The following BCAS3 variants were observed in gnomAD, a reference collection of about 807,000 sequenced individuals.
BCAS3 encodes the protein BCAS4/BCAS3 fusion.
In BCAS3, 53 loss-of-function variants were observed where a neutral mutation model predicts 116.1. The observed-to-expected ratio is 0.46, with a 90% confidence interval of 0.37 to 0.57. The LOEUF (loss-of-function observed/expected upper bound fraction) is 0.57. Among genes scored for constraint, BCAS3 ranks in the 20% least tolerant of loss-of-function variants. The pLI, the probability that BCAS3 is intolerant of heterozygous loss-of-function variation, is 0.00. For missense variants in BCAS3, 917 were observed against 1,165.4 expected (o/e 0.79, Z 3.10); for synonymous variants, 391 against 408.2 (o/e 0.96, Z 0.51).
Position 61,049,691 on chromosome 17 carries a change from C to T in BCAS3, c.2029+8799C>T, listed in dbSNP as rs147777739. On this transcript the variant is annotated intron_variant, in intron 19 of 23. Transcript: ENST00000407086. ...AAAAGACATGTTACACACCAAGGAGCAAAGATAAGCAGATTTTTCTTTTCT... is the reference window on the plus strand; with the variant it reads ...AAAAGACATGTTACACACCAAGGAGTAAAGATAAGCAGATTTTTCTTTTCT... Among the ~76,000 whole-genome samples, 310 of 149,246 alleles carry T rather than the reference C, an allele frequency of 2.1e-3. 3 individuals are homozygous for T. The highest frequency in any genetic ancestry group is 6.8e-3 in the African/African-American group (277 of 40,712).
intron 12 of BCAS3, among the ~76,000 whole-genome samples, chr17:60,911,164 C>T (rs1377498256): frequency 2.6e-5 from 3 of 117,396 alleles, no homozygotes; most frequent in African/African-American, 1.0e-4. Flanking sequence ...ACTCTGTTGC[C>T]CAGGTTGGAG....
chr17:61,248,387 C>A lies in BCAS3; in HGVS notation c.2426-119940C>A, dbSNP rs970265144. 6.6e-6 allele frequency among the ~76,000 whole-genome samples: 1 copy of A among 152,162 alleles called. No individual in the cohort carries two copies. Among genetic ancestry groups the A allele is most frequent in the Non-Finnish European group, 1.5e-5 (1 of 68,026 alleles). On this transcript the variant is annotated intron_variant, in intron 22 of 23. Transcript: ENST00000407086. This position sits in a 1 kb window ranked among gnomAD's most constrained non-coding sequence, Gnocchi z 4.3. ...CTTTAAAAAATTCCAAAAAGAAAAT[C>A]TAAAGGACCATTCCTATGATTATTG...
At chr17:60,908,048 G>T (rs2058282750) in intron 11 of BCAS3, among the ~76,000 whole-genome samples, 1 of 152,122 alleles carries the variant, frequency 6.6e-6, no homozygotes, top group Non-Finnish European at 1.5e-5. Flanking sequence ...AATGGGTTAT[G>T]ATAAATAGTA....
chr17:60,688,539 C>A (rs2034389767), intron 3 of BCAS3, among the ~76,000 whole-genome samples: 1 of 152,046 alleles, frequency 6.6e-6, no homozygotes, highest in African/African-American at 2.4e-5. Flanking sequence ...TTAGGCAGGG[C>A]ATGGTGGCTC....
chr17:61,236,060 G>A (rs535989899), intron 22 of BCAS3, among the ~76,000 whole-genome samples: 5 of 152,274 alleles, frequency 3.3e-5, no homozygotes, highest in South Asian at 4.1e-4. Context: ...CTGGATCTTC[G>A]TTTGTCAGGC....
intron 3 of BCAS3, among the ~76,000 whole-genome samples, chr17:60,685,427 G>A (rs189739635): frequency 7.9e-4 from 111 of 140,948 alleles, no homozygotes; most frequent in African/African-American, 2.6e-3. Flanking sequence ...TCCAGCCTGG[G>A]CAATAAGAGT....
intron 22 of BCAS3, among the ~76,000 whole-genome samples, chr17:61,154,142 T>C (rs2077696420): frequency 2.0e-5 from 3 of 152,196 alleles, no homozygotes; most frequent in Non-Finnish European, 4.4e-5. Flanking sequence ...TTCCTTCAGT[T>C]TGTTTTCTTT....
chr17:61,170,957 G>A (rs1183814653), intron 22 of BCAS3, among the ~76,000 whole-genome samples: 5 of 152,182 alleles, frequency 3.3e-5, no homozygotes, highest in Admixed American at 6.5e-5. Context: ...GGGAACATTC[G>A]CTGGAGCTTA....
chr17:60,716,423 T>C (rs1568087096), intron 5 of BCAS3, among the ~76,000 whole-genome samples: 1 of 152,176 alleles, frequency 6.6e-6, no homozygotes, highest in Non-Finnish European at 1.5e-5. Flanking sequence ...GATGAAAGCA[T>C]TCTTTTCTCC....
chr17:60,708,110 G>A (rs2037401479), intron 4 of BCAS3, among the ~76,000 whole-genome samples: 1 of 152,010 alleles, frequency 6.6e-6, no homozygotes, highest in Non-Finnish European at 1.5e-5. Flanking sequence ...GATTGCTTGA[G>A]CTCAGGAGTT....
chr17:61,055,944 T>C (rs940130377), intron 19 of BCAS3, among the ~76,000 whole-genome samples: 4 of 152,126 alleles, frequency 2.6e-5, no homozygotes, highest in African/African-American at 7.2e-5. Flanking sequence ...CTTTCAAAAG[T>C]GTTTGCCAAA....
chr17:60,725,140 A>G (rs1417716929), intron 5 of BCAS3, among the ~76,000 whole-genome samples: 2 of 152,230 alleles, frequency 1.3e-5, no homozygotes, highest in Non-Finnish European at 2.9e-5. Flanking sequence ...TATTTTTAGA[A>G]TAGTGATACT....
chr17:61,274,096 C>T (rs1011348455), intron 22 of BCAS3, among the ~76,000 whole-genome samples: 29 of 151,128 alleles, frequency 1.9e-4, no homozygotes, highest in African/African-American at 6.3e-4. Flanking sequence ...TCTCCTAATG[C>T]TATCCCTCCC....
intron 15 of BCAS3, among the ~76,000 whole-genome samples, chr17:61,005,110 A>G (rs2064567547): frequency 6.6e-6 from 1 of 152,100 alleles, no homozygotes; most frequent in African/African-American, 2.4e-5. Flanking sequence ...TTATTTCTCA[A>G]CTGGGGATGG....
intron 16 of BCAS3, chr17:61,016,968 A>G (rs1225693017): frequency 6.6e-6 from 1 of 152,144 alleles, no homozygotes; most frequent in African/African-American, 2.4e-5. Context: ...GTTTGTATAT[A>G]AAAAGATCCT....
rs1022497063 is a variant in BCAS3, at chr17:61,388,822, C to A, written c.2594-3155C>A. 1.9e-6 allele frequency: 2 copies of A among 1,036,192 alleles called. No individual in the cohort carries two copies. Among genetic ancestry groups the A allele is most frequent in the Non-Finnish European group, 1.4e-6 (1 of 718,354 alleles). The allele number at this position is 1,036,192 out of a possible 1,614,324, so 64.2% of individuals were successfully genotyped here. The stretch of plus-strand genomic sequence containing the variant: ...CCTCCACTTCCCACACACACCCCTG[C>A]CTGCAGGGGGAGGAGCAGAAGGGGT... On this transcript the variant is annotated intron_variant, in intron 23 of 23. Transcript: ENST00000407086. The surrounding 1 kb of genome is among the most constrained non-coding windows in gnomAD (Gnocchi z 6.5).
Position 61,363,547 on chromosome 17 carries a change from G to A in BCAS3, c.2426-4780G>A, listed in dbSNP as rs374789357. Among the ~76,000 whole-genome samples the A allele has an allele frequency of 6.7e-5, 10 of 149,954 alleles. No homozygotes were observed. The East Asian group carries it at 1.6e-3, about 24-fold the overall frequency. On this transcript the variant is annotated intron_variant, in intron 22 of 23. Transcript: ENST00000407086. The surrounding 1 kb of genome is among the most constrained non-coding windows in gnomAD (Gnocchi z 4.9). The stretch of plus-strand genomic sequence containing the variant: ...CCCATAGTTTGGTGAAGTCACATAA[G>A]CTCCTCTTTTTTTTTTTTTTTTTAA...
chr17:60,704,837 CAA>C (rs34195685), intron 4 of BCAS3, among the ~76,000 whole-genome samples: 161 of 142,066 alleles, frequency 1.1e-3, no homozygotes, highest in South Asian at 4.1e-3. Flanking sequence ...GACTCAGTCT[CAA>C]AAAAAAAAAA....
chr17:60,728,661 G>A (rs2040154142), intron 5 of BCAS3, among the ~76,000 whole-genome samples: 1 of 151,836 alleles, frequency 6.6e-6, no homozygotes, highest in South Asian at 2.1e-4. Flanking sequence ...TGTACTTTTA[G>A]TAGAGACGGG....
Sources: allele counts gnomAD v4.1 joint callset (sites outside exome capture counted in the v4.1 genomes callset), GRCh38; gene constraint gnomAD v4.1.1; non-coding constraint Gnocchi (gnomAD v3.1); transcripts MANE v1.5; gene names NCBI Gene and HGNC (gene_info 2026-07-23, HGNC 2026-07-21).